Variants in PDE11A observed in about 807,000 individuals in gnomAD.
The protein encoded by PDE11A is phosphodiesterase 11A.
PDE11A carries 100 observed loss-of-function variants against 100.5 expected under a neutral mutation model. That is an observed-to-expected ratio of 1.00 (90% CI 0.85 to 1.18). PDE11A has a LOEUF of 1.18. Ranked by LOEUF, PDE11A falls within the 50% of genes most tolerant of loss-of-function variation. PDE11A has a pLI of 0.00. For missense variants in PDE11A, 1,141 were observed against 1,152.6 expected (o/e 0.99, Z 0.15); for synonymous variants, 381 against 420.8 (o/e 0.91, Z 1.16).
chr2:177,672,335 C>T (rs2080696070), intron 17 of PDE11A, among the ~76,000 whole-genome samples: 1 of 152,158 alleles, frequency 6.6e-6, no homozygotes, highest in African/African-American at 2.4e-5. Flanking sequence ...GTACATTGGA[C>T]AGTGTGAGCA....
chr2:177,801,548 T>C (rs989793746), intron 9 of PDE11A, among the ~76,000 whole-genome samples: 1 of 152,114 alleles, frequency 6.6e-6, no homozygotes, highest in African/African-American at 2.4e-5. Context: ...ATTTTTTAAA[T>C]GCAAGAGCTC....
chr2:177,680,793 TGA>T, intron 16 of PDE11A, 31 bp downstream of exon 16: 5 of 1,197,620 alleles, frequency 4.2e-6, no homozygotes, highest in Non-Finnish European at 6.2e-6. Flanking sequence ...GTCCAAATAA[TGA>T]AGAAACACAT....
In PDE11A at chr2:177,724,707, C is replaced by T. The variant is rs114519243; in HGVS notation, c.2043+2951G>A. 2.2e-3 allele frequency among the ~76,000 whole-genome samples: 341 copies of T among 152,188 alleles called. 1 individual carries two copies. The highest frequency in any genetic ancestry group is 7.8e-3 in the African/African-American group (325 of 41,532). On this transcript the variant is annotated intron_variant, in intron 12 of 19. Transcript: ENST00000286063. ...CTTTTCCGACAGACTGGTTTTGTTG[C>T]TATCTCTTTTAGGAAAAACATTTAT...
At chr2:178,041,485 G>T (rs879328283) in intron 1 of PDE11A, among the ~76,000 whole-genome samples, 1 of 150,928 alleles carries the variant, frequency 6.6e-6, no homozygotes, top group Middle Eastern at 3.5e-3. Context: ...CTTCTGATCC[G>T]CCCGCCTCAG....
intron 5 of PDE11A, among the ~76,000 whole-genome samples, chr2:177,867,720 C>T (rs750160095): frequency 6.6e-6 from 1 of 151,852 alleles, no homozygotes; most frequent in African/African-American, 2.4e-5. Flanking sequence ...AGCGAGACTC[C>T]GTCTCAAAAA....
intron 13 of PDE11A, among the ~76,000 whole-genome samples, chr2:177,710,193 C>T (rs2081339196): frequency 6.6e-6 from 1 of 151,812 alleles, no homozygotes; most frequent in Non-Finnish European, 1.5e-5. Flanking sequence ...AGGGATTAGC[C>T]TCGGACGAGG....
Position 177,629,299 on chromosome 2 carries a change from T to G in PDE11A, c.*108A>C. 1.0e-6 allele frequency: 1 copy of G among 996,892 alleles called. No individual in the cohort carries two copies. Among genetic ancestry groups the G allele is most frequent in the Non-Finnish European group, 1.6e-6 (1 of 619,482 alleles). 61.8% of individuals were successfully genotyped at this position (996,892 alleles called of 1,614,324 possible). ...CCCAGGCATGCTTCCCAGTGCATCC[T>G]TGAGATGTTAGGTCTTTCTGAGCTA... On this transcript the variant is annotated 3_prime_UTR_variant, in exon 20 of 20. Coordinates refer to ENST00000286063, the MANE Select transcript of PDE11A (RefSeq NM_016953.4).
chr2:177,922,860 C>G, intron 2 of PDE11A: 1 of 979,222 alleles, frequency 1.0e-6, no homozygotes. Context: ...AATAGATTAT[C>G]CATGCCCATG....
chr2:177,698,532 TG>T (rs1237558990), intron 14 of PDE11A: 53 of 152,252 alleles, frequency 3.5e-4, no homozygotes, highest in African/African-American at 1.1e-3. Flanking sequence ...AGGAATGTGG[TG>T]GAATGACTGC....
At chr2:177,872,932 G>A (rs1021456313) in intron 5 of PDE11A, among the ~76,000 whole-genome samples, 2 of 152,162 alleles carry the variant, frequency 1.3e-5, no homozygotes, top group African/African-American at 4.8e-5. Flanking sequence ...TGAGATAAAT[G>A]AACATTCTAC....
chr2:177,844,745 C>T (rs554909504), intron 5 of PDE11A, among the ~76,000 whole-genome samples: 17 of 150,916 alleles, frequency 1.1e-4, no homozygotes, highest in East Asian at 5.8e-4. Context: ...TGACTCTTAA[C>T]GAGCATGCTG....
intron 2 of PDE11A, among the ~76,000 whole-genome samples, chr2:177,936,414 G>A (rs1482230660): frequency 9.2e-5 from 14 of 152,068 alleles, no homozygotes; most frequent in Non-Finnish European, 1.5e-5. Flanking sequence ...TCATTGTTTG[G>A]AACCAAGGCC....
chr2:177,942,960 T>C (rs1001800050), intron 2 of PDE11A, among the ~76,000 whole-genome samples: 2 of 152,168 alleles, frequency 1.3e-5, no homozygotes, highest in African/African-American at 2.4e-5. Flanking sequence ...GTAAATGGAG[T>C]CATACAATAT....
chr2:177,712,696 A>C (rs1276257642), intron 12 of PDE11A, among the ~76,000 whole-genome samples: 1 of 152,154 alleles, frequency 6.6e-6, no homozygotes, highest in Non-Finnish European at 1.5e-5. Context: ...TGGCCCTTTC[A>C]TTAGTTTAGA....
chr2:177,962,122 T>A (rs1267246307), intron 2 of PDE11A, among the ~76,000 whole-genome samples: 1 of 148,726 alleles, frequency 6.7e-6, no homozygotes, highest in Non-Finnish European at 1.5e-5. Context: ...CTCACATATC[T>A]CAGTTTGGGA....
intron 5 of PDE11A, among the ~76,000 whole-genome samples, chr2:177,867,476 T>A (rs2084050670): frequency 6.6e-6 from 1 of 152,134 alleles, no homozygotes; most frequent in African/African-American, 2.4e-5. Flanking sequence ...ACGCCTGTAA[T>A]TCCAGCACTT....
At chr2:177,710,325 C>T (rs574959037) in intron 13 of PDE11A, among the ~76,000 whole-genome samples, 2 of 147,952 alleles carry the variant, frequency 1.4e-5, no homozygotes, top group South Asian at 2.2e-4. Flanking sequence ...CAATTTTCTC[C>T]GTGAAGTAGG....
In PDE11A at chr2:177,840,393, C is replaced by G; in HGVS notation, c.1368-10G>C. The G allele has an allele frequency of 6.2e-7, 1 of 1,613,226 alleles. No individual in the cohort carries two copies. The highest frequency in any genetic ancestry group is 8.5e-7 in the Non-Finnish European group (1 of 1,179,302). On this transcript the variant is annotated splice_polypyrimidine_tract_variant and intron_variant, in intron 5 of 19. Coordinates refer to ENST00000286063, the MANE Select transcript of PDE11A (RefSeq NM_016953.4). The stretch of plus-strand genomic sequence containing the variant: ...CATGCTTTCTTTGAAACTATCAGAG[C>G]ACCAAGGTAGGCAGGAAGAAAAGAG...
chr2:178,057,695 G>T (rs1449990894), intron 1 of PDE11A, among the ~76,000 whole-genome samples: 1 of 151,968 alleles, frequency 6.6e-6, no homozygotes, highest in Non-Finnish European at 1.5e-5. Flanking sequence ...TTCTCTACTG[G>T]TAATAGATGA....
Sources: allele counts gnomAD v4.1 joint callset (sites outside exome capture counted in the v4.1 genomes callset), GRCh38; gene constraint gnomAD v4.1.1; transcripts MANE v1.5; gene names NCBI Gene and HGNC (gene_info 2026-07-23, HGNC 2026-07-21).